The following RASSF8 variants were observed in gnomAD, a reference collection of about 807,000 sequenced individuals.
RASSF8 encodes the protein Ras association domain family member 8.
A neutral mutation model predicts 48.5 loss-of-function variants in RASSF8; 22 were observed. That is an observed-to-expected ratio of 0.45 (90% CI 0.32 to 0.65). The LOEUF is 0.65. Ranked by LOEUF, RASSF8 falls within the 30% of genes least tolerant of loss-of-function variation. The probability of loss-of-function intolerance (pLI) is 0.03; values close to 1 mark genes in which losing one functional copy is unlikely to be tolerated. For missense variants in RASSF8, 418 were observed against 489.2 expected (o/e 0.85, Z 1.37); for synonymous variants, 127 against 171.5 (o/e 0.74, Z 2.03).
chr12:26,008,236 A>AT (rs1942437626), intron 2 of RASSF8, among the ~76,000 whole-genome samples: 1 of 152,122 alleles, frequency 6.6e-6, no homozygotes, highest in African/African-American at 2.4e-5. Context: ...AAGCCACTGA[A>AT]TTCCAGCCTG....
chr12:26,052,915 G>A (rs1382206697), intron 2 of RASSF8: 3 of 152,172 alleles, frequency 2.0e-5, no homozygotes, highest in Non-Finnish European at 4.4e-5. Context: ...AGGAAAATAT[G>A]TGGCAGTATG....
intron 2 of RASSF8, among the ~76,000 whole-genome samples, chr12:26,005,004 A>T (rs933777073): frequency 6.6e-6 from 1 of 152,196 alleles, no homozygotes; most frequent in African/African-American, 2.4e-5. Context: ...AAGTTAAAAA[A>T]AAATGGAAGT....
chr12:25,967,800 C>G (rs1592213549), intron 1 of RASSF8, among the ~76,000 whole-genome samples: 1 of 152,202 alleles, frequency 6.6e-6, no homozygotes, highest in African/African-American at 2.4e-5. Context: ...GGCCTCTGCT[C>G]TCTGGGGAGG....
At chr12:25,970,660 G>A (rs1304622129) in intron 1 of RASSF8, among the ~76,000 whole-genome samples, 2 of 152,158 alleles carry the variant, frequency 1.3e-5, no homozygotes, top group Non-Finnish European at 2.9e-5. Context: ...ATTGAGTTCA[G>A]ACTGTTACGA....
At chr12:25,979,183 G>A (rs537207598) in intron 1 of RASSF8, among the ~76,000 whole-genome samples, 3 of 152,164 alleles carry the variant, frequency 2.0e-5, no homozygotes, top group Admixed American at 6.5e-5. Context: ...CACGTTGGTA[G>A]TTGAAGACCA....
chr12:25,969,762 G>T (rs1941441083), intron 1 of RASSF8, among the ~76,000 whole-genome samples: 1 of 152,090 alleles, frequency 6.6e-6, no homozygotes, highest in Non-Finnish European at 1.5e-5. Context: ...TGCCATTCCG[G>T]AATATGTGGG....
At chr12:25,998,289 A>G (rs985667554) in intron 2 of RASSF8, among the ~76,000 whole-genome samples, 3 of 152,126 alleles carry the variant, frequency 2.0e-5, no homozygotes, top group African/African-American at 7.2e-5. Flanking sequence ...ATTTGTATCC[A>G]GACATCATTT....
chr12:26,015,495 C>T (rs1424816989), intron 2 of RASSF8, among the ~76,000 whole-genome samples: 2 of 152,114 alleles, frequency 1.3e-5, no homozygotes, highest in Admixed American at 6.5e-5. Flanking sequence ...AATATTTTTC[C>T]GTTGATAGGC....
Position 26,070,760 on chromosome 12 carries a change from CATT to C in RASSF8, c.*1943_*1945del. 9.2e-6 allele frequency: 9 copies of C among 977,598 alleles called. No homozygotes were observed. The highest frequency in any genetic ancestry group is 1.1e-5 in the Non-Finnish European group (9 of 822,954). 60.6% of individuals were successfully genotyped at this position (977,598 alleles called of 1,614,324 possible). ...TCAAGATCTTATTCACAAAGAAAAA[CATT>C]TTATAAATTGATCGCATTTTCTTTA... On this transcript the variant is annotated 3_prime_UTR_variant, in exon 6 of 6. Coordinates refer to ENST00000689635, the MANE Select transcript of RASSF8 (RefSeq NM_001394098.1).
At chr12:25,974,009 A>G (rs1941544866) in intron 1 of RASSF8, 1 of 152,070 alleles carries the variant, frequency 6.6e-6, no homozygotes, top group African/African-American at 2.4e-5. Flanking sequence ...TAGGAAGTGA[A>G]AACAGATGGC....
intron 1 of RASSF8, among the ~76,000 whole-genome samples, chr12:25,989,791 A>G (rs901009874): frequency 5.3e-5 from 8 of 151,926 alleles, no homozygotes; most frequent in Non-Finnish European, 1.2e-4. Flanking sequence ...GTGGTGGGGC[A>G]TGGGGGTGGA....
chr12:25,997,528 T>G (rs1186091591), intron 2 of RASSF8, among the ~76,000 whole-genome samples: 7 of 152,150 alleles, frequency 4.6e-5, no homozygotes, highest in African/African-American at 1.7e-4. Flanking sequence ...AATGGAATTA[T>G]TTTTATATGC....
chr12:26,069,020 T>C lies in RASSF8; in HGVS notation c.*202T>C. On this transcript the variant is annotated 3_prime_UTR_variant, in exon 6 of 6. Coordinates refer to ENST00000689635, the MANE Select transcript of RASSF8 (RefSeq NM_001394098.1). ...AAACTGTGTTTTCACACATCAACAG[T>C]GTTGATATTTTTGTCCAGCAGCTAT... 1 of 1,267,792 alleles carries C rather than the reference T, an allele frequency of 7.9e-7. No homozygotes were observed. Among genetic ancestry groups the C allele is most frequent in the South Asian group, 2.2e-5 (1 of 46,218 alleles). The allele number at this position is 1,267,792 out of a possible 1,614,324, so 78.5% of individuals were successfully genotyped here.
intron 2 of RASSF8, among the ~76,000 whole-genome samples, chr12:26,006,341 T>C (rs11048375): frequency 0.58 from 88,064 of 152,010 alleles, 25,950 homozygotes; most frequent in Non-Finnish European, 0.64. Context: ...ACTTGGTTTC[T>C]CTAAGATCTC....
chr12:25,986,248 A>G (rs953503659), intron 1 of RASSF8, among the ~76,000 whole-genome samples: 4 of 152,208 alleles, frequency 2.6e-5, no homozygotes, highest in Non-Finnish European at 5.9e-5. Flanking sequence ...AGGCTCCTGC[A>G]CTTCACAGGG....
chr12:26,029,150 G>T (rs529149393), intron 2 of RASSF8, among the ~76,000 whole-genome samples: 2 of 152,110 alleles, frequency 1.3e-5, no homozygotes, highest in African/African-American at 2.4e-5. Flanking sequence ...CCTGTCCCTC[G>T]CCCCTCAGTG....
At chr12:25,960,617 A>G (rs1291643965) in intron 1 of RASSF8, among the ~76,000 whole-genome samples, 1 of 152,204 alleles carries the variant, frequency 6.6e-6, no homozygotes, top group Non-Finnish European at 1.5e-5. Context: ...GTACAACAAA[A>G]TATAATTTGT....
At chr12:26,035,929 C>A (rs1454422353) in intron 2 of RASSF8, among the ~76,000 whole-genome samples, 1 of 142,714 alleles carries the variant, frequency 7.0e-6, no homozygotes, top group African/African-American at 2.6e-5. Flanking sequence ...TGATATATAT[C>A]ATATATTTCA....
chr12:26,064,334 G>T (rs149113882), intron 3 of RASSF8, among the ~76,000 whole-genome samples, 164 bp from the exon 4 acceptor site: 2 of 152,062 alleles, frequency 1.3e-5, no homozygotes, highest in Non-Finnish European at 2.9e-5. Flanking sequence ...TGTCGTGAGG[G>T]GTTTGGTATC....
Sources: gnomAD v4.1 joint callset for allele counts (sites outside exome capture counted in the v4.1 genomes callset) on GRCh38, gnomAD v4.1.1 for gene constraint, MANE v1.5 for transcripts, NCBI Gene and HGNC (gene_info 2026-07-23, HGNC 2026-07-21) for gene names.